NEK7: variants seen among roughly 807,000 people sequenced by gnomAD.
NEK7 encodes the protein serine/threonine-protein kinase Nek7.
A neutral mutation model predicts 44.6 loss-of-function variants in NEK7; 18 were observed. That is an observed-to-expected ratio of 0.40 (90% CI 0.28 to 0.60). The LOEUF is 0.60. Ranked by LOEUF, NEK7 falls within the 20% of genes least tolerant of loss-of-function variation. The pLI is 0.38. For synonymous variants in NEK7, 130 were observed against 121.1 expected (o/e 1.07, Z -0.48); for missense variants, 256 against 366.5 (o/e 0.70, Z 2.46).
intron 9 of NEK7, among the ~76,000 whole-genome samples, chr1:198,302,557 G>A (rs2103022137): frequency 6.6e-6 from 1 of 151,206 alleles, no homozygotes; most frequent in Middle Eastern, 3.4e-3. Context: ...ATGAACACAG[G>A]GATTAAAAAG....
At position 198,292,951 on chromosome 1, in the gene NEK7, C is replaced by A; in HGVS notation, c.596C>A (p.Thr199Lys). The change falls in exon 8 of 10, where the codon ACG becomes AAG. Residue 199 changes from threonine (T) to lysine (K), a missense_variant. Transcript: ENST00000367385. The stretch of plus-strand genomic sequence containing the variant: ...TTGGTTTGTTTTTTTGCAGTTGGTA[C>A]GCCTTATTACATGTCTCCAGAGAGA... ...KTTAAHSLVGTPYYMSPERIH... is the reference protein window; with the variant it reads ...KTTAAHSLVGKPYYMSPERIH... The A allele has an allele frequency of 6.4e-7, 1 of 1,560,700 alleles. No individual in the cohort carries two copies. The highest frequency in any genetic ancestry group is 8.8e-7 in the Non-Finnish European group (1 of 1,132,964).
chr1:198,222,904 C>T (rs1425269248), intron 1 of NEK7, among the ~76,000 whole-genome samples: 2 of 152,002 alleles, frequency 1.3e-5, no homozygotes, highest in African/African-American at 4.8e-5. Context: ...GGGGGCCGCA[C>T]ACTACTTTGG....
At chr1:198,254,576 A>T (rs950802507) in intron 3 of NEK7, among the ~76,000 whole-genome samples, 4 of 151,858 alleles carry the variant, frequency 2.6e-5, no homozygotes, top group African/African-American at 9.7e-5. Context: ...GTTCTTGTTG[A>T]TTGTTGTTTA....
At chr1:198,168,032 T>A (rs1356138056) in intron 1 of NEK7, among the ~76,000 whole-genome samples, 1 of 152,210 alleles carries the variant, frequency 6.6e-6, no homozygotes, top group Non-Finnish European at 1.5e-5. Context: ...TTTAAAAAAA[T>A]TTGGAGTTTA....
chr1:198,318,787 TA>T (rs999056943), intron 9 of NEK7, among the ~76,000 whole-genome samples: 4 of 152,078 alleles, frequency 2.6e-5, no homozygotes, highest in Non-Finnish European at 5.9e-5. Flanking sequence ...ATAAATAGAA[TA>T]AAATAGTAAA....
At chr1:198,263,782 C>T (rs1468986900) in intron 4 of NEK7, among the ~76,000 whole-genome samples, 1 of 151,798 alleles carries the variant, frequency 6.6e-6, no homozygotes, top group Admixed American at 6.6e-5. Flanking sequence ...TGAAAGTTCT[C>T]ATTTTGAGGA....
Position 198,232,535 on chromosome 1 carries a change from A to T in NEK7, c.-28-18A>T, listed in dbSNP as rs775831143. On this transcript the variant is annotated intron_variant, in intron 1 of 9. Transcript: ENST00000367385. Reference sequence around the variant, plus strand: ...GTAATGATTACATTATTTAAATTTCAACTTTACATTTTTGCAGAGTTCTAA... The same window carrying T: ...GTAATGATTACATTATTTAAATTTCTACTTTACATTTTTGCAGAGTTCTAA... 2.5e-6 allele frequency: 3 copies of T among 1,211,324 alleles called. No homozygotes were observed. The South Asian group carries it at 3.7e-5, about 15-fold the overall frequency. 75.0% of individuals were successfully genotyped at this position (1,211,324 alleles called of 1,614,324 possible). A position where few individuals can be genotyped will look rare whatever the true frequency, so the allele number is the denominator to read the frequency against.
chr1:198,234,908 C>T (rs1427184857), intron 2 of NEK7, among the ~76,000 whole-genome samples: 2 of 152,178 alleles, frequency 1.3e-5, no homozygotes, highest in African/African-American at 4.8e-5. Flanking sequence ...CTGACAAGAG[C>T]TTATAGGCAT....
intron 9 of NEK7, among the ~76,000 whole-genome samples, chr1:198,309,285 G>A (rs973819589): frequency 1.3e-5 from 2 of 151,992 alleles, no homozygotes; most frequent in African/African-American, 4.8e-5. Context: ...AAGCAGTTTG[G>A]CAAGCACAGA....
At chr1:198,244,917 T>C (rs1283182287) in intron 2 of NEK7, among the ~76,000 whole-genome samples, 2 of 152,160 alleles carry the variant, frequency 1.3e-5, no homozygotes, top group African/African-American at 4.8e-5. Context: ...AGAGAGTAGT[T>C]TGTGCAGCTG....
rs74136811 is a variant in NEK7 at position 198,278,150 on chromosome 1, A to G, written c.481+81A>G. 355 of 721,422 alleles carry G rather than the reference A, an allele frequency of 4.9e-4. 13 individuals are homozygous for G. In the African/African-American group the frequency reaches 5.9e-3, roughly 12 times the overall value. 44.7% of individuals were successfully genotyped at this position (721,422 alleles called of 1,614,324 possible). ...AAAGTAAATGTCTTCAAGTCAGTAC[A>G]TAATACCATACTTTTTCAGGTAATT... On this transcript the variant is annotated intron_variant, in intron 6 of 9. Coordinates refer to ENST00000367385, the MANE Select transcript of NEK7 (RefSeq NM_133494.3).
intron 1 of NEK7, among the ~76,000 whole-genome samples, chr1:198,161,725 A>C (rs930651719): frequency 2.6e-5 from 4 of 151,716 alleles, no homozygotes; most frequent in Admixed American, 2.0e-4. Flanking sequence ...GGAGGATCCC[A>C]CTCCTATCCT....
At chr1:198,236,921 T>G (rs1276387076) in intron 2 of NEK7, among the ~76,000 whole-genome samples, 2 of 152,176 alleles carry the variant, frequency 1.3e-5, no homozygotes, top group African/African-American at 4.8e-5. Flanking sequence ...TTTTCTGTAA[T>G]TCAGTCTCCC....
intron 1 of NEK7, among the ~76,000 whole-genome samples, chr1:198,162,209 A>G (rs1354466859): frequency 6.6e-6 from 1 of 152,176 alleles, no homozygotes; most frequent in Non-Finnish European, 1.5e-5. Flanking sequence ...ATTACACAGT[A>G]CACTTTCTCA....
chr1:198,303,620 A>T (rs1654948330), intron 9 of NEK7, among the ~76,000 whole-genome samples: 1 of 152,238 alleles, frequency 6.6e-6, no homozygotes, highest in South Asian at 2.1e-4. Flanking sequence ...TAGATTTACA[A>T]ATTTTAATAG....
At chr1:198,240,638 T>C (rs1321645110) in intron 2 of NEK7, among the ~76,000 whole-genome samples, 1 of 137,426 alleles carries the variant, frequency 7.3e-6, no homozygotes, top group Non-Finnish European at 1.5e-5. Flanking sequence ...AAGTACATAG[T>C]CTTGGTATTC....
intron 4 of NEK7, among the ~76,000 whole-genome samples, chr1:198,263,404 T>C (rs1653544531): frequency 6.6e-6 from 1 of 151,920 alleles, no homozygotes; most frequent in South Asian, 2.1e-4. Context: ...GGAAATAGCA[T>C]GTCATCATAG....
intron 2 of NEK7, among the ~76,000 whole-genome samples, chr1:198,236,363 A>G (rs1238885845): frequency 1.4e-5 from 2 of 147,700 alleles, no homozygotes; most frequent in African/African-American, 5.1e-5. Flanking sequence ...CCTTCATTGA[A>G]TAACTTTATT....
chr1:198,197,430 A>AT (rs1462599849), intron 1 of NEK7, among the ~76,000 whole-genome samples: 1 of 152,162 alleles, frequency 6.6e-6, no homozygotes, highest in African/African-American at 2.4e-5. Flanking sequence ...TTTTTAAGAA[A>AT]TTTTTTATCG....
Sources: gnomAD v4.1 joint callset for allele counts (sites outside exome capture counted in the v4.1 genomes callset) on GRCh38, gnomAD v4.1.1 for gene constraint, MANE v1.5 for transcripts, NCBI Gene and HGNC (gene_info 2026-07-23, HGNC 2026-07-21) for gene names.